EBF2: variants seen among roughly 807,000 people sequenced by gnomAD.
EBF2 encodes the protein EBF transcription factor 2, also known as transcription factor COE2.
A neutral mutation model predicts 72.8 loss-of-function variants in EBF2; 21 were observed. The ratio of observed to expected loss-of-function variants is 0.29; its 90% CI spans 0.20 to 0.42. The LOEUF (loss-of-function observed/expected upper bound fraction) is 0.42. Ranked by LOEUF, EBF2 falls within the 10% of genes least tolerant of loss-of-function variation. The probability of loss-of-function intolerance (pLI) is 1.00; values close to 1 mark genes in which losing one functional copy is unlikely to be tolerated. For missense variants in EBF2, 637 were observed against 731.2 expected, an observed-to-expected ratio of 0.87 and a Z score of 1.49; for synonymous variants, 299 against 274.2, an observed-to-expected ratio of 1.09 and a Z score of -0.89.
intron 1 of EBF2, among the ~76,000 whole-genome samples, chr8:26,043,257 C>T (rs1330425337): frequency 6.6e-6 from 1 of 152,266 alleles, no homozygotes; most frequent in Non-Finnish European, 1.5e-5. Flanking sequence ...ATTGCGGGAG[C>T]TGCCCTGCGG....
intron 6 of EBF2, among the ~76,000 whole-genome samples, chr8:25,976,298 G>A (rs750209682): frequency 1.5e-4 from 23 of 152,118 alleles, no homozygotes; most frequent in East Asian, 1.9e-4. Context: ...ATGGAGATCC[G>A]TAAAATTTTG....
chr8:25,842,199 A>T lies in EBF2; in HGVS notation c.*2410T>A, dbSNP rs184262587. On this transcript the variant is annotated 3_prime_UTR_variant, in exon 16 of 16. Coordinates refer to ENST00000520164, the MANE Select transcript of EBF2 (RefSeq NM_022659.4). ...TTGGGACTGGAATGATTGAATAGCA[A>T]TGACTAACGAGGACAGGGTAGCTTT... The T allele has an allele frequency of 6.6e-6, 1 of 152,358 alleles. No individual in the cohort carries two copies. The highest frequency in any genetic ancestry group is 1.5e-5 in the Non-Finnish European group (1 of 68,024). 9.4% of individuals were successfully genotyped at this position (152,358 alleles called of 1,614,324 possible).
chr8:25,861,667 G>A lies in EBF2; in HGVS notation c.1099-293C>T, dbSNP rs184399896. Among the ~76,000 whole-genome samples, 27 of 152,210 alleles carry A rather than the reference G, an allele frequency of 1.8e-4. No individual in the cohort carries two copies. The East Asian group carries it at 2.9e-3, about 16-fold the overall frequency. ...AGTTTATTAAAATTATTAAGGTCAT[G>A]GAAGTTCTATTAAATGCTACTTTCA... is the stretch of plus-strand genomic sequence containing the variant. On this transcript the variant is annotated intron_variant, in intron 11 of 15. Coordinates refer to ENST00000520164, the MANE Select transcript of EBF2 (RefSeq NM_022659.4).
At chr8:25,940,072 A>G (rs1803644268) in intron 6 of EBF2, among the ~76,000 whole-genome samples, 1 of 152,244 alleles carries the variant, frequency 6.6e-6, no homozygotes, top group African/African-American at 2.4e-5. Flanking sequence ...GATTATAAAC[A>G]CATAGCTAGC....
In EBF2 at chr8:26,044,722, T is replaced by C. The variant is rs1186297802; in HGVS notation, c.131+7A>G. 1.2e-6 allele frequency: 2 copies of C among 1,613,590 alleles called. No individual in the cohort carries two copies. Among genetic ancestry groups the C allele is most frequent in the African/African-American group, 2.7e-5 (2 of 74,878 alleles). On this transcript the variant is annotated splice_region_variant and intron_variant, in intron 1 of 15. Coordinates refer to ENST00000520164, the MANE Select transcript of EBF2 (RefSeq NM_022659.4). This position sits in a 1 kb window ranked among gnomAD's most constrained non-coding sequence, Gnocchi z 4.1. ...ACAGCATAATAATTGCGCGGCCGTGTCGTTACCTCTGCGCGGCGACATTAG... is the reference window on the plus strand; with the variant it reads ...ACAGCATAATAATTGCGCGGCCGTGCCGTTACCTCTGCGCGGCGACATTAG...
At chr8:25,913,302 G>A (rs924172379) in intron 6 of EBF2, among the ~76,000 whole-genome samples, 13 of 151,976 alleles carry the variant, frequency 8.6e-5, no homozygotes, top group Admixed American at 5.3e-4. Context: ...TCAGCTGGGC[G>A]TGGTGGCATG....
At chr8:25,952,008 A>G (rs1026976) in intron 6 of EBF2, among the ~76,000 whole-genome samples, 52,391 of 152,136 alleles carry the variant, frequency 0.34, 9,625 homozygotes, top group Middle Eastern at 0.43. Context: ...AAATTACACA[A>G]AAGACCAGGT....
Position 25,897,222 on chromosome 8 carries a change from TA to T in EBF2, c.634-7354del, listed in dbSNP as rs74646175. On this transcript the variant is annotated intron_variant, in intron 7 of 15. Coordinates refer to ENST00000520164, the MANE Select transcript of EBF2 (RefSeq NM_022659.4). The stretch of plus-strand genomic sequence containing the variant: ...GAAGACGTGCTCTTTTCTTTTTTTT[TA>T]AAAAAAAATACATATTTTTAATTCT... Among the ~76,000 whole-genome samples, 1,489 of 151,430 alleles carry T rather than the reference TA, an allele frequency of 9.8e-3. 16 individuals carry two copies. Among genetic ancestry groups the T allele is most frequent in the African/African-American group, 0.026 (1,064 of 41,300 alleles).
chr8:26,001,284 G>A (rs1395240187), intron 6 of EBF2, among the ~76,000 whole-genome samples: 3 of 152,254 alleles, frequency 2.0e-5, no homozygotes, highest in Non-Finnish European at 2.9e-5. Flanking sequence ...GTTAAGAGAG[G>A]AGGAAGTGAA....
chr8:25,995,867 A>C (rs1184894191), intron 6 of EBF2, among the ~76,000 whole-genome samples: 2 of 152,036 alleles, frequency 1.3e-5, no homozygotes, highest in Non-Finnish European at 2.9e-5. Context: ...AATCATAAAT[A>C]TAAATAAATT....
chr8:26,018,157 A>G (rs1212421113), intron 6 of EBF2, among the ~76,000 whole-genome samples: 1 of 151,414 alleles, frequency 6.6e-6, no homozygotes, highest in Non-Finnish European at 1.5e-5. Flanking sequence ...CAAATGGCCC[A>G]TTGAGAGCCA....
At chr8:26,042,890 C>A (rs113072159) in intron 1 of EBF2, among the ~76,000 whole-genome samples, 1 of 152,190 alleles carries the variant, frequency 6.6e-6, no homozygotes, top group Non-Finnish European at 1.5e-5. Context: ...AAAAGTTGTG[C>A]CTGGGACAGA....
rs1254676805 is a variant in EBF2 at position 25,843,309 on chromosome 8, AAG to A, written c.*1298_*1299del. On this transcript the variant is annotated 3_prime_UTR_variant, in exon 16 of 16. Transcript: ENST00000520164. ...GTCGAGTGGCATAGCTATGTTTTTCAAGAGAGTTTAATGCCATAAAAGGGGAA... is the reference window on the plus strand; with the variant it reads ...GTCGAGTGGCATAGCTATGTTTTTCAAGAGTTTAATGCCATAAAAGGGGAA... The A allele has an allele frequency of 1.3e-5, 2 of 152,290 alleles. No individual in the cohort carries two copies. The highest frequency in any genetic ancestry group is 1.9e-4 in the East Asian group (1 of 5,174). 9.4% of individuals were successfully genotyped at this position (152,290 alleles called of 1,614,324 possible).
chr8:25,943,311 C>CAAAAAAAA (rs71551840), intron 6 of EBF2, among the ~76,000 whole-genome samples: 35 of 58,926 alleles, frequency 5.9e-4, no homozygotes, highest in African/African-American at 9.9e-4. Flanking sequence ...TGTCTCTACA[C>CAAAAAAAA]AAAAAAAAAA....
intron 15 of EBF2, among the ~76,000 whole-genome samples, chr8:25,846,999 T>C (rs1801854348): frequency 6.6e-6 from 1 of 152,134 alleles, no homozygotes; most frequent in Non-Finnish European, 1.5e-5. Flanking sequence ...TCACTCTCAT[T>C]GTCCCTGAAG....
intron 10 of EBF2, among the ~76,000 whole-genome samples, chr8:25,865,867 T>G (rs539226666): frequency 6.6e-6 from 1 of 151,494 alleles, no homozygotes; most frequent in South Asian, 2.1e-4. Context: ...CTACTGAAAA[T>G]ACAAAAAATT....
At chr8:26,025,335 G>A (rs555819253) in intron 6 of EBF2, among the ~76,000 whole-genome samples, 8 of 152,200 alleles carry the variant, frequency 5.3e-5, no homozygotes, top group South Asian at 2.1e-4. Flanking sequence ...CCATGAGAGC[G>A]GGAACCATGC....
chr8:25,858,503 C>T lies in EBF2; in HGVS notation c.1344G>A (p.Gly448=), dbSNP rs745696631. The change falls in exon 14 of 16, where the codon GGG becomes GGA. Residue 448 remains glycine, a splice_region_variant and synonymous_variant. Transcript: ENST00000520164. ...AGATGCTGCTTGTGTTGCGGATGTA[C>T]CCTTGGCAACAAAGAAAAAGCCCAG... is the stretch of plus-strand genomic sequence containing the variant. ...ISESTQGNNQ[G]YIRNTSSISP... is the part of the protein sequence containing the mutation. 6.2e-7 allele frequency: 1 copy of T among 1,612,586 alleles called. No individual in the cohort carries two copies. Among genetic ancestry groups the T allele is most frequent in the Non-Finnish European group, 8.5e-7 (1 of 1,179,552 alleles).
At chr8:25,869,619 TAGAAACACATGTA>T (rs1802396732) in intron 10 of EBF2, among the ~76,000 whole-genome samples, 1 of 152,176 alleles carries the variant, frequency 6.6e-6, no homozygotes, top group Non-Finnish European at 1.5e-5. Context: ...CCATCTTACC[TAGAAACACATGTA>T]AGAATAGCCG....
Sources: gnomAD v4.1 joint callset for allele counts (sites outside exome capture counted in the v4.1 genomes callset) on GRCh38, gnomAD v4.1.1 for gene constraint, Gnocchi (gnomAD v3.1) non-coding constraint, MANE v1.5 for transcripts, NCBI Gene and HGNC (gene_info 2026-07-23, HGNC 2026-07-21) for gene names.